Variants in PCSK6 observed in about 807,000 individuals in gnomAD.
PCSK6 encodes the protein paired basic amino acid cleaving enzyme 4.
PCSK6 carries 85 observed loss-of-function variants against 123.3 expected under a neutral mutation model. That is an observed-to-expected ratio of 0.69 (90% confidence interval 0.58 to 0.83). The LOEUF (loss-of-function observed/expected upper bound fraction) is 0.83. Among genes scored for constraint, PCSK6 ranks in the 40% least tolerant of loss-of-function variants. PCSK6 has a pLI of 0.00. For missense variants in PCSK6, 1,191 were observed against 1,282.3 expected, an observed-to-expected ratio of 0.93 and a Z score of 1.09; for synonymous variants, 508 against 516.0, an observed-to-expected ratio of 0.98 and a Z score of 0.21.
In PCSK6 at chr15:101,476,562, T is replaced by TA. The variant is rs72127421; in HGVS notation, c.297+12811dup. Among the ~76,000 whole-genome samples, 431 of 142,214 alleles carry TA rather than the reference T, an allele frequency of 3.0e-3. 1 individual carries two copies. Among genetic ancestry groups the TA allele is most frequent in the African/African-American group, 5.4e-3 (211 of 38,766 alleles). 93.3% of individuals were successfully genotyped at this position (142,214 alleles called of 152,430 possible). A position where few individuals can be genotyped will look rare whatever the true frequency, so the allele number is the denominator to read the frequency against. On this transcript the variant is annotated intron_variant, in intron 1 of 21. Transcript: ENST00000611716. The stretch of plus-strand genomic sequence containing the variant: ...ATGTTTAGTGTGATTCCATTTATAT[T>TA]AAAAAAAAAAAAAACAACAAAAATT...
intron 1 of PCSK6, among the ~76,000 whole-genome samples, chr15:101,451,951 AAG>A (rs2057047431): frequency 6.6e-6 from 1 of 151,852 alleles, no homozygotes; most frequent in Admixed American, 6.6e-5. Flanking sequence ...GAAGTCCAGA[AAG>A]AGAGAGAGAG....
intron 6 of PCSK6, among the ~76,000 whole-genome samples, chr15:101,405,491 G>A (rs1029405642): frequency 4.6e-5 from 7 of 152,162 alleles, no homozygotes; most frequent in Admixed American, 2.0e-4. Context: ...AGAACTCGGG[G>A]TGCTATGGGA....
chr15:101,315,915 C>G (rs993904364), intron 19 of PCSK6, among the ~76,000 whole-genome samples: 1 of 152,248 alleles, frequency 6.6e-6, no homozygotes, highest in Non-Finnish European at 1.5e-5. Context: ...GATCGAGTTG[C>G]CTGCCAAGTG....
chr15:101,366,391 G>A (rs2041391802), intron 12 of PCSK6, 59 bp from the exon 13 acceptor site: 3 of 1,553,172 alleles, frequency 1.9e-6, no homozygotes, highest in Admixed American at 1.8e-5. Context: ...GCTGGGCGGA[G>A]GGGCTGGCAC....
intron 1 of PCSK6, among the ~76,000 whole-genome samples, chr15:101,465,619 G>C (rs8041563): frequency 0.77 from 116,397 of 151,920 alleles, 44,993 homozygotes; most frequent in Non-Finnish European, 0.82. Context: ...GGGTAGGAAG[G>C]ATTTCTTAAA....
intron 1 of PCSK6, among the ~76,000 whole-genome samples, chr15:101,476,967 G>A (rs1484108768): frequency 1.3e-5 from 2 of 152,176 alleles, no homozygotes; most frequent in Non-Finnish European, 2.9e-5. Flanking sequence ...GGGCATGTGG[G>A]GCGGGGAAGC....
chr15:101,377,981 C>T (rs897691737), intron 11 of PCSK6, among the ~76,000 whole-genome samples: 1 of 152,200 alleles, frequency 6.6e-6, no homozygotes. Flanking sequence ...GTCCCCAGCA[C>T]TGAGGTGGGA....
intron 1 of PCSK6, among the ~76,000 whole-genome samples, chr15:101,465,746 T>C (rs1440065352): frequency 6.6e-6 from 1 of 152,186 alleles, no homozygotes; most frequent in African/African-American, 2.4e-5. Context: ...CCGCACGGTA[T>C]TACTTCAAGG....
intron 6 of PCSK6, among the ~76,000 whole-genome samples, chr15:101,422,623 C>CT (rs5815013): frequency 1.3e-3 from 182 of 144,934 alleles, no homozygotes; most frequent in East Asian, 2.4e-3. Context: ...TAGAACGAAA[C>CT]TTTTTTTTTT....
At chr15:101,356,894 G>C (rs73493395) in intron 13 of PCSK6, among the ~76,000 whole-genome samples, 5,035 of 152,228 alleles carry the variant, frequency 0.033, 186 homozygotes, top group African/African-American at 0.096. Context: ...GATGACTGAT[G>C]TGCTACTCAA....
At chr15:101,372,311 C>T (rs528831450) in intron 11 of PCSK6, among the ~76,000 whole-genome samples, 15 of 152,192 alleles carry the variant, frequency 9.9e-5, no homozygotes, top group Non-Finnish European at 2.1e-4. Flanking sequence ...AGGCATGAGG[C>T]GTTCTGCTCA....
In PCSK6 at chr15:101,454,126, A is replaced by G. The variant is rs1195052582; in HGVS notation, c.298-10466T>C. ...TGGAGGAGGCTACAAGGTTTTTAAA[A>G]ATAAGATTTTGTCTTTATGAAAGAC... On this transcript the variant is annotated intron_variant, in intron 1 of 21. Coordinates refer to ENST00000611716, the MANE Select transcript of PCSK6 (RefSeq NM_002570.5). Among the ~76,000 whole-genome samples the G allele has an allele frequency of 7.9e-5, 12 of 152,270 alleles. No individual in the cohort carries two copies. In the East Asian group the frequency reaches 2.3e-3, roughly 29 times the overall value.
At chr15:101,395,539 G>A (rs2042384935) in intron 7 of PCSK6, among the ~76,000 whole-genome samples, 1 of 152,200 alleles carries the variant, frequency 6.6e-6, no homozygotes, top group Non-Finnish European at 1.5e-5. Context: ...TGGAAATGAG[G>A]CGAGGAAACA....
chr15:101,424,165 T>C (rs1296481558), intron 6 of PCSK6, among the ~76,000 whole-genome samples: 1 of 150,870 alleles, frequency 6.6e-6, no homozygotes, highest in African/African-American at 2.4e-5. Flanking sequence ...AGGCCAGGAG[T>C]TTAAGGCTGC....
chr15:101,326,343 G>A lies in PCSK6; in HGVS notation c.2180+34C>T, dbSNP rs1038877183. 5.9e-6 allele frequency: 9 copies of A among 1,515,610 alleles called. No individual in the cohort carries two copies. The African/African-American group carries it at 1.2e-4, about 21-fold the overall frequency. 93.9% of individuals were successfully genotyped at this position (1,515,610 alleles called of 1,614,324 possible). A position where few individuals can be genotyped will look rare whatever the true frequency, so the allele number is the denominator to read the frequency against. ...AAGGATACAACTGGAAAGTCACTGAGTGGTGAGCCACAGGGCTGCGGGACA... is the reference window on the plus strand; with the variant it reads ...AAGGATACAACTGGAAAGTCACTGAATGGTGAGCCACAGGGCTGCGGGACA... On this transcript the variant is annotated intron_variant, in intron 16 of 21. Coordinates refer to ENST00000611716, the MANE Select transcript of PCSK6 (RefSeq NM_002570.5).
intron 1 of PCSK6, among the ~76,000 whole-genome samples, chr15:101,474,332 A>G (rs1304717915): frequency 6.6e-6 from 1 of 152,220 alleles, no homozygotes; most frequent in African/African-American, 2.4e-5. Context: ...ATCCAGGTAC[A>G]TGGGGTCTAA....
At chr15:101,477,160 T>C (rs963194086) in intron 1 of PCSK6, among the ~76,000 whole-genome samples, 2 of 152,316 alleles carry the variant, frequency 1.3e-5, no homozygotes, top group African/African-American at 2.4e-5. Context: ...AGTTACGCCA[T>C]AGAAGACTTA....
chr15:101,367,826 GTTTGTTT>G (rs2041447394), intron 12 of PCSK6, among the ~76,000 whole-genome samples: 1 of 152,034 alleles, frequency 6.6e-6, no homozygotes. Flanking sequence ...GTTTTTGTTT[GTTTGTTT>G]TTTGTTTTTG....
chr15:101,481,207 AG>A (rs953092001), intron 1 of PCSK6, among the ~76,000 whole-genome samples: 4 of 152,232 alleles, frequency 2.6e-5, no homozygotes, highest in African/African-American at 9.6e-5. Flanking sequence ...TCCAGGTGGC[AG>A]GGGGCCTGGG....
Sources: gnomAD v4.1 joint callset for allele counts (sites outside exome capture counted in the v4.1 genomes callset) on GRCh38, gnomAD v4.1.1 for gene constraint, MANE v1.5 for transcripts, NCBI Gene and HGNC (gene_info 2026-07-23, HGNC 2026-07-21) for gene names.